The following TMEM132D variants were observed in gnomAD, a reference collection of about 807,000 sequenced individuals.
TMEM132D encodes mature OL transmembrane protein.
In TMEM132D, 21 loss-of-function variants were observed where a neutral mutation model predicts 62.3. The observed-to-expected ratio is 0.34, with a 90% CI of 0.24 to 0.49. The LOEUF is 0.49. Among genes scored for constraint, TMEM132D ranks in the 20% least tolerant of loss-of-function variants. TMEM132D has a pLI of 0.99. For synonymous variants in TMEM132D, 621 were observed against 575.6 expected (o/e 1.08, Z -1.13); for missense variants, 1,346 against 1,402.8 (o/e 0.96, Z 0.65).
chr12:129,853,601 G>A (rs956151914), intron 1 of TMEM132D: 1 of 152,202 alleles, frequency 6.6e-6, no homozygotes, highest in Non-Finnish European at 1.5e-5. Flanking sequence ...TGGTTTGAAA[G>A]CATGAATCCC....
chr12:129,186,448 C>G (rs7314703), intron 5 of TMEM132D, among the ~76,000 whole-genome samples: 81,434 of 151,982 alleles, frequency 0.54, 21,911 homozygotes, highest in Middle Eastern at 0.56. Context: ...GGGGCCCAGG[C>G]TTTACTTTCT....
chr12:129,217,833 A>G (rs1247268301), intron 4 of TMEM132D, among the ~76,000 whole-genome samples: 2 of 152,214 alleles, frequency 1.3e-5, no homozygotes. Context: ...TTTTTTAAGG[A>G]AAACAATGAG....
intron 2 of TMEM132D, among the ~76,000 whole-genome samples, chr12:129,626,319 G>A (rs1879212259): frequency 6.6e-6 from 1 of 152,162 alleles, no homozygotes; most frequent in African/African-American, 2.4e-5. Context: ...AAGACAGGAT[G>A]TGCAATTTTC....
At chr12:129,076,281 G>A (rs999972688) in intron 8 of TMEM132D, among the ~76,000 whole-genome samples, 3 of 151,944 alleles carry the variant, frequency 2.0e-5, no homozygotes, top group Non-Finnish European at 4.4e-5. Context: ...AAACACAGGT[G>A]AGAGAGAGAG....
chr12:129,513,774 C>T (rs1342490859), intron 3 of TMEM132D, among the ~76,000 whole-genome samples: 7 of 150,202 alleles, frequency 4.7e-5, no homozygotes, highest in Admixed American at 1.3e-4. Context: ...CGTGAGCCAC[C>T]GCGCCCGGCC....
chr12:129,815,919 T>C (rs763205044), intron 1 of TMEM132D, among the ~76,000 whole-genome samples: 13 of 152,250 alleles, frequency 8.5e-5, no homozygotes, highest in Admixed American at 2.6e-4. Context: ...GTTCTTCATC[T>C]GAATCCAGAT....
Position 129,137,148 on chromosome 12 carries a change from T to C in TMEM132D, c.1444-52446A>G, listed in dbSNP as rs575414878. Among the ~76,000 whole-genome samples the C allele has an allele frequency of 1.0e-3, 31 of 30,756 alleles. 1 individual carries two copies. The highest frequency in any genetic ancestry group is 5.1e-3 in the South Asian group (5 of 978). 20.2% of individuals were successfully genotyped at this position (30,756 alleles called of 152,430 possible). ...ATCATCATCACCATCACTATCATTG[T>C]CATCACTATCACAATCACCATCATC... On this transcript the variant is annotated intron_variant, in intron 5 of 8. Coordinates refer to ENST00000422113, the MANE Select transcript of TMEM132D (RefSeq NM_133448.3).
At chr12:129,659,076 TTG>T (rs1880169681) in intron 2 of TMEM132D, among the ~76,000 whole-genome samples, 2 of 151,186 alleles carry the variant, frequency 1.3e-5, no homozygotes, top group Non-Finnish European at 2.9e-5. Flanking sequence ...AATTTTTTTT[TTG>T]TTGTTTGTTT....
chr12:129,732,936 G>C (rs1319387053), intron 1 of TMEM132D, among the ~76,000 whole-genome samples: 2 of 152,164 alleles, frequency 1.3e-5, no homozygotes, highest in African/African-American at 2.4e-5. Flanking sequence ...GGACACCAAG[G>C]CTCCAGGAAG....
At chr12:129,563,953 A>C (rs1593067520) in intron 2 of TMEM132D, among the ~76,000 whole-genome samples, 1 of 152,210 alleles carries the variant, frequency 6.6e-6, no homozygotes, top group Admixed American at 6.5e-5. Flanking sequence ...AATGATACAA[A>C]AGACAGAATC....
chr12:129,162,115 G>A (rs1877416699), intron 5 of TMEM132D, among the ~76,000 whole-genome samples: 1 of 152,126 alleles, frequency 6.6e-6, no homozygotes, highest in Non-Finnish European at 1.5e-5. Context: ...CTCCAATCTG[G>A]CTGTTTCAGA....
intron 2 of TMEM132D, among the ~76,000 whole-genome samples, chr12:129,549,723 C>G (rs1468132310): frequency 6.6e-6 from 1 of 152,170 alleles, no homozygotes; most frequent in African/African-American, 2.4e-5. Context: ...CGTGTTTGGC[C>G]AATGAACTGT....
intron 4 of TMEM132D, among the ~76,000 whole-genome samples, chr12:129,244,348 T>G (rs1274795370): frequency 1.4e-5 from 2 of 141,140 alleles, no homozygotes; most frequent in African/African-American, 5.3e-5. Context: ...ATCGCGCCAC[T>G]GCACTCCAGC....
In TMEM132D at chr12:129,882,354, A is replaced by G. The variant is rs539839499; in HGVS notation, c.79+20907T>C. On this transcript the variant is annotated intron_variant, in intron 1 of 8. Transcript: ENST00000422113. Reference sequence around the variant, plus strand: ...GCAAATTTCTTTCATGAATTTAGACAGAAAAACCCTCAACAAAATATTAGC... The same window carrying G: ...GCAAATTTCTTTCATGAATTTAGACGGAAAAACCCTCAACAAAATATTAGC... 3.3e-5 allele frequency among the ~76,000 whole-genome samples: 5 copies of G among 152,306 alleles called. No homozygotes were observed. The South Asian group carries it at 8.3e-4, about 25-fold the overall frequency.
chr12:129,682,685 C>T (rs1314137042), intron 2 of TMEM132D, among the ~76,000 whole-genome samples: 1 of 151,768 alleles, frequency 6.6e-6, no homozygotes, highest in African/African-American at 2.4e-5. Context: ...CAGTGAAATC[C>T]TGTCTCTACT....
intron 2 of TMEM132D, among the ~76,000 whole-genome samples, chr12:129,668,923 C>G (rs1880439486): frequency 6.6e-6 from 1 of 152,146 alleles, no homozygotes; most frequent in African/African-American, 2.4e-5. Context: ...ACACAGAGTC[C>G]CTGTACAAGG....
intron 5 of TMEM132D, among the ~76,000 whole-genome samples, chr12:129,149,344 C>T (rs1035888293): frequency 2.6e-5 from 4 of 151,960 alleles, no homozygotes; most frequent in South Asian, 2.1e-4. Context: ...GGTACACTTA[C>T]GTAAAAAACC....
intron 3 of TMEM132D, among the ~76,000 whole-genome samples, chr12:129,456,103 C>T (rs1873456585): frequency 6.6e-6 from 1 of 152,086 alleles, no homozygotes; most frequent in East Asian, 1.9e-4. Context: ...AAAACAAAAC[C>T]TTTGAAGTAA....
At chr12:129,082,374 G>A (rs1466243207) in intron 6 of TMEM132D, among the ~76,000 whole-genome samples, 1 of 152,198 alleles carries the variant, frequency 6.6e-6, no homozygotes, top group Non-Finnish European at 1.5e-5. Context: ...TGATTGGATG[G>A]TCACTTTCCT....
Sources: gnomAD v4.1 joint callset for allele counts (sites outside exome capture counted in the v4.1 genomes callset) on GRCh38, gnomAD v4.1.1 for gene constraint, MANE v1.5 for transcripts, NCBI Gene and HGNC (gene_info 2026-07-23, HGNC 2026-07-21) for gene names.